The following LMCD1 variants were observed in gnomAD, a reference collection of about 807,000 sequenced individuals.
LMCD1 encodes LIM and cysteine rich domains 1.
LMCD1 carries 32 observed loss-of-function variants against 42.7 expected under a neutral mutation model. That is an observed-to-expected ratio of 0.75 (90% CI 0.57 to 1.01). The LOEUF (loss-of-function observed/expected upper bound fraction) is 1.01, where lower values mean the gene tolerates loss of function less well. Ranked by LOEUF, LMCD1 falls within the 50% of genes least tolerant of loss-of-function variation. The pLI is 0.00. For missense variants in LMCD1, 458 were observed against 483.1 expected (o/e 0.95, Z 0.49); for synonymous variants, 178 against 184.9 (o/e 0.96, Z 0.30).
intron 1 of LMCD1, among the ~76,000 whole-genome samples, chr3:8,524,255 G>A (rs1694256520): frequency 1.3e-5 from 2 of 151,512 alleles, no homozygotes; most frequent in African/African-American, 4.8e-5. Context: ...TTTGGGTGTT[G>A]CACATTCCCA....
Position 8,568,682 on chromosome 3 carries a change from G to A in LMCD1, c.*1084G>A, listed in dbSNP as rs1394132681. 1 of 152,202 alleles carries A rather than the reference G, an allele frequency of 6.6e-6. No individual in the cohort carries two copies. Among genetic ancestry groups the A allele is most frequent in the Non-Finnish European group, 1.5e-5 (1 of 68,030 alleles). The allele number at this position is 152,202 out of a possible 1,614,324, so 9.4% of individuals were successfully genotyped here. A position where few individuals can be genotyped will look rare whatever the true frequency, so the allele number is the denominator to read the frequency against. On this transcript the variant is annotated 3_prime_UTR_variant, in exon 6 of 6. Transcript: ENST00000157600. ...AACATTGAATGAGTCACGTAGAATAGGTCTTTGGGCCAAATTGTATCTCCA... is the reference window on the plus strand; with the variant it reads ...AACATTGAATGAGTCACGTAGAATAAGTCTTTGGGCCAAATTGTATCTCCA...
At chr3:8,502,387 T>A (rs1306492085) in intron 1 of LMCD1, among the ~76,000 whole-genome samples, 1 of 87,928 alleles carries the variant, frequency 1.1e-5, no homozygotes, top group Non-Finnish European at 2.1e-5. Context: ...ATAATATATA[T>A]TATATATAAA....
chr3:8,544,768 C>A (rs986625324), intron 3 of LMCD1, among the ~76,000 whole-genome samples: 2 of 152,154 alleles, frequency 1.3e-5, no homozygotes, highest in African/African-American at 2.4e-5. Flanking sequence ...AAGCTATGGG[C>A]CAGATGGGTT....
intron 1 of LMCD1, among the ~76,000 whole-genome samples, chr3:8,529,869 T>C (rs569534200): frequency 1.3e-5 from 2 of 152,340 alleles, no homozygotes; most frequent in South Asian, 4.1e-4. Flanking sequence ...GAACGCTCAG[T>C]GCATAATAAG....
intron 3 of LMCD1, among the ~76,000 whole-genome samples, chr3:8,547,268 G>A (rs1024291599): frequency 6.6e-6 from 1 of 152,170 alleles, no homozygotes. Flanking sequence ...GACATGGGCT[G>A]GCCCAGTCAC....
intron 4 of LMCD1, among the ~76,000 whole-genome samples, chr3:8,563,244 G>C (rs1488885635): frequency 6.6e-6 from 1 of 152,182 alleles, no homozygotes. Context: ...CTTTATTATG[G>C]ACTTAATTGC....
rs569979570 is a variant in LMCD1, at chr3:8,558,228, G to A, written c.724-7204G>A. Among the ~76,000 whole-genome samples the A allele has an allele frequency of 2.0e-4, 31 of 152,290 alleles. No homozygotes were observed. The South Asian group carries it at 6.4e-3, about 32-fold the overall frequency. ...GGTTGGAAGGGTATCCAAGAAATTT[G>A]CCAACATGACTTAAACACCCATGGC... On this transcript the variant is annotated intron_variant, in intron 4 of 5. Transcript: ENST00000157600.
At chr3:8,533,778 G>T (rs980044208) in intron 2 of LMCD1, among the ~76,000 whole-genome samples, 1 of 152,082 alleles carries the variant, frequency 6.6e-6, no homozygotes, top group Non-Finnish European at 1.5e-5. Context: ...ACTACCAGAT[G>T]GCAGGATTTG....
chr3:8,572,596 G>C lies in LMCD1; in HGVS notation c.*4998G>C, dbSNP rs1695237200. The C allele has an allele frequency of 6.6e-6, 1 of 152,146 alleles. No homozygotes were observed. Among genetic ancestry groups the C allele is most frequent in the Admixed American group, 6.5e-5 (1 of 15,270 alleles). The allele number at this position is 152,146 out of a possible 1,614,324, so 9.4% of individuals were successfully genotyped here. A position where few individuals can be genotyped will look rare whatever the true frequency, so the allele number is the denominator to read the frequency against. On this transcript the variant is annotated 3_prime_UTR_variant, in exon 6 of 6. Transcript: ENST00000157600. ...TATTAGCATTCTACTATAAGGAAAA[G>C]CACTATCTTCTCCCCATTTATTAAT...
Position 8,524,465 on chromosome 3 carries a change from A to G in LMCD1, c.43-8272A>G, listed in dbSNP as rs73810485. ...TCCCTTCGGTCTGGTTAAGAGAATG[A>G]CTGCATTTGGCACCAAAACCTGTGG... On this transcript the variant is annotated intron_variant, in intron 1 of 5. Coordinates refer to ENST00000157600, the MANE Select transcript of LMCD1 (RefSeq NM_014583.4). Among the ~76,000 whole-genome samples the G allele has an allele frequency of 4.8e-3, 730 of 152,286 alleles. 2 individuals carry two copies. The highest frequency in any genetic ancestry group is 0.016 in the African/African-American group (646 of 41,562).
intron 1 of LMCD1, among the ~76,000 whole-genome samples, chr3:8,521,559 C>T (rs1694205688): frequency 1.3e-5 from 2 of 152,234 alleles, no homozygotes; most frequent in Admixed American, 6.5e-5. Flanking sequence ...CCAAACGTCC[C>T]TCACATCAGG....
intron 4 of LMCD1, among the ~76,000 whole-genome samples, chr3:8,563,807 G>A (rs116652644): frequency 9.2e-5 from 14 of 152,320 alleles, no homozygotes; most frequent in Non-Finnish European, 1.8e-4. Flanking sequence ...AACCGCAACA[G>A]TGACAAGTGA....
In LMCD1 at chr3:8,570,147, A is replaced by G. The variant is rs1190418611; in HGVS notation, c.*2549A>G. 1.3e-5 allele frequency: 2 copies of G among 152,586 alleles called. No homozygotes were observed. The highest frequency in any genetic ancestry group is 3.9e-4 in the East Asian group (2 of 5,178). The allele number at this position is 152,586 out of a possible 1,614,324, so 9.5% of individuals were successfully genotyped here. The stretch of plus-strand genomic sequence containing the variant: ...GGAGATACAGTGGTGAACATGGCCC[A>G]TGGATGGAACTGAAAGAAAACTGGT... On this transcript the variant is annotated 3_prime_UTR_variant, in exon 6 of 6. Coordinates refer to ENST00000157600, the MANE Select transcript of LMCD1 (RefSeq NM_014583.4).
intron 4 of LMCD1, chr3:8,550,906 C>T: frequency 1.2e-5 from 12 of 985,396 alleles, no homozygotes; most frequent in Non-Finnish European, 1.4e-5. Flanking sequence ...TTGACTGAGC[C>T]TCGCATATTT....
intron 4 of LMCD1, among the ~76,000 whole-genome samples, chr3:8,556,386 AG>A (rs1371720370): frequency 6.6e-6 from 1 of 151,676 alleles, no homozygotes; most frequent in African/African-American, 2.4e-5. Context: ...TTTTCCAGGA[AG>A]CTTTTTTTTT....
intron 1 of LMCD1, among the ~76,000 whole-genome samples, chr3:8,519,441 T>C (rs1249823133): frequency 6.6e-6 from 1 of 152,216 alleles, no homozygotes; most frequent in East Asian, 1.9e-4. Context: ...GCTTCTGTAG[T>C]TCTGTTTTAC....
intron 1 of LMCD1, among the ~76,000 whole-genome samples, chr3:8,507,203 T>C (rs1693901522): frequency 3.3e-5 from 5 of 152,236 alleles, no homozygotes; most frequent in Admixed American, 3.3e-4. Context: ...GTTGGATGTT[T>C]ACATATAGCA....
At chr3:8,552,017 C>A (rs532984769) in intron 4 of LMCD1, among the ~76,000 whole-genome samples, 2 of 152,236 alleles carry the variant, frequency 1.3e-5, no homozygotes, top group South Asian at 4.1e-4. Context: ...CAGAGATTAA[C>A]GGGAGAAAAA....
In LMCD1 at chr3:8,548,656, A is replaced by G; in HGVS notation, c.476A>G (p.His159Arg). Residue 159 changes from histidine to arginine, a missense_variant, in exon 4 of 6, where the codon CAC (histidine) becomes CGC (arginine). His to Arg is a conservative substitution (Grantham distance 29). Transcript: ENST00000157600. ...GAFYRRRQLM[H>R]QLPIYDQDPS... ...TTTTACCGCCGCCGCCAGCTCATGCACCAGCTCCCCATCTATGACCAGGAT... is the reference window on the plus strand; with the variant it reads ...TTTTACCGCCGCCGCCAGCTCATGCGCCAGCTCCCCATCTATGACCAGGAT... 5.6e-6 allele frequency: 9 copies of G among 1,614,212 alleles called. No homozygotes were observed. Among genetic ancestry groups the G allele is most frequent in the Non-Finnish European group, 5.9e-6 (7 of 1,180,030 alleles).
Sources: gnomAD v4.1 joint callset for allele counts (sites outside exome capture counted in the v4.1 genomes callset) on GRCh38, gnomAD v4.1.1 for gene constraint, MANE v1.5 for transcripts, NCBI Gene and HGNC (gene_info 2026-07-23, HGNC 2026-07-21) for gene names.